Variants in PDGFD observed in about 807,000 individuals in gnomAD.
The protein encoded by PDGFD is platelet-derived growth factor D.
Under a neutral mutation model 44.7 loss-of-function variants are expected in PDGFD, and 30 were observed. The ratio of observed to expected loss-of-function variants is 0.67; its 90% CI spans 0.50 to 0.91. The LOEUF (loss-of-function observed/expected upper bound fraction) is 0.91, where lower values mean the gene tolerates loss of function less well. Among genes scored for constraint, PDGFD ranks in the 40% least tolerant of loss-of-function variants. The pLI, the probability that PDGFD is intolerant of heterozygous loss-of-function variation, is 0.00. For synonymous variants in PDGFD, 173 were observed against 168.4 expected, an observed-to-expected ratio of 1.03 and a Z score of -0.21; for missense variants, 445 against 457.8, an observed-to-expected ratio of 0.97 and a Z score of 0.25.
chr11:103,934,571 G>A (rs1000711903), intron 5 of PDGFD, among the ~76,000 whole-genome samples: 2 of 152,210 alleles, frequency 1.3e-5, no homozygotes, highest in African/African-American at 2.4e-5. Flanking sequence ...TCACAGTTAT[G>A]CATTGCCTGG....
In PDGFD at chr11:103,909,779, C is replaced by T. The variant is rs1486567445; in HGVS notation, c.1028G>A (p.Arg343Lys). 3 of 1,614,144 alleles carry T rather than the reference C, an allele frequency of 1.9e-6. No individual in the cohort carries two copies. The highest frequency in any genetic ancestry group is 1.7e-5 in the Admixed American group (1 of 60,030). ...GTCAACTAGAGCCATGGTCTTAGCTCTACCCCTCCTCTTGATGTGGCCAGG... is the reference window on the plus strand; with the variant it reads ...GTCAACTAGAGCCATGGTCTTAGCTTTACCCCTCCTCTTGATGTGGCCAGG... ...FEPGHIKRRG[R>K]AKTMALVDIQ... The change falls in exon 7 of 7, where the codon AGA becomes AAA. Residue 343 changes from arginine to lysine, a missense_variant. By Grantham distance (26) the Arg-to-Lys change is conservative. Transcript: ENST00000393158.
At chr11:103,985,750 T>A (rs1452313641) in intron 3 of PDGFD, among the ~76,000 whole-genome samples, 1 of 152,134 alleles carries the variant, frequency 6.6e-6, no homozygotes, top group Non-Finnish European at 1.5e-5. Flanking sequence ...GAGTGAAGTA[T>A]CTGGACATAT....
intron 1 of PDGFD, among the ~76,000 whole-genome samples, chr11:104,070,770 T>C (rs1860861786): frequency 6.6e-6 from 1 of 152,190 alleles, no homozygotes; most frequent in Admixed American, 6.5e-5. Context: ...GGACATGTCA[T>C]AGTTTATTCA....
At chr11:104,161,684 C>G (rs748914452) in intron 1 of PDGFD, among the ~76,000 whole-genome samples, 1 of 152,178 alleles carries the variant, frequency 6.6e-6, no homozygotes, top group Non-Finnish European at 1.5e-5. Flanking sequence ...CAGACCGTTG[C>G]AATATCTAAG....
At chr11:104,007,820 T>C (rs1254948627) in intron 1 of PDGFD, among the ~76,000 whole-genome samples, 1 of 152,258 alleles carries the variant, frequency 6.6e-6, no homozygotes, top group Admixed American at 6.5e-5. Context: ...GTCCCACTTC[T>C]GTTGCTAAAC....
chr11:103,996,038 T>G, intron 3 of PDGFD, 27 bp downstream of exon 3: 1 of 1,585,114 alleles, frequency 6.3e-7, no homozygotes, highest in East Asian at 2.3e-5. Flanking sequence ...GTGTCTGCTT[T>G]TAATCATAAA....
At chr11:103,952,576 T>G (rs1216690174) in intron 3 of PDGFD, among the ~76,000 whole-genome samples, 1 of 152,210 alleles carries the variant, frequency 6.6e-6, no homozygotes, top group Admixed American at 6.5e-5. Flanking sequence ...ATGAGCAAAC[T>G]GAAGTTCAGA....
chr11:103,998,511 C>T (rs1363980802), intron 2 of PDGFD, among the ~76,000 whole-genome samples: 1 of 152,214 alleles, frequency 6.6e-6, no homozygotes, highest in African/African-American at 2.4e-5. Flanking sequence ...CCAGAGAAAG[C>T]ACTCTTTCCA....
At chr11:103,969,765 C>T (rs1029956437) in intron 3 of PDGFD, among the ~76,000 whole-genome samples, 1 of 151,780 alleles carries the variant, frequency 6.6e-6, no homozygotes. Context: ...ATGAAAAATA[C>T]AGATTCTAGT....
At chr11:103,998,368 C>T (rs984220867) in intron 2 of PDGFD, among the ~76,000 whole-genome samples, 1 of 152,120 alleles carries the variant, frequency 6.6e-6, no homozygotes. Flanking sequence ...ACCCCTAGAC[C>T]TCTGGGGAGG....
rs772172796 is a variant in PDGFD at position 104,037,212 on chromosome 11, A to C, written c.125-36957T>G. 2.5e-6 allele frequency: 4 copies of C among 1,613,766 alleles called. No homozygotes were observed. The East Asian group carries it at 8.9e-5, about 36-fold the overall frequency. On this transcript the variant is annotated intron_variant, in intron 1 of 6. Coordinates refer to ENST00000393158, the MANE Select transcript of PDGFD (RefSeq NM_025208.5). ...CCCAGCGGTCACAGGGCTTGGCGTC[A>C]GGAGAGAAGGTGGCCGGCCTGCAAG...
In PDGFD at chr11:103,908,038, A is replaced by G. The variant is rs2134294925; in HGVS notation, c.*1656T>C. On this transcript the variant is annotated 3_prime_UTR_variant, in exon 7 of 7. Coordinates refer to ENST00000393158, the MANE Select transcript of PDGFD (RefSeq NM_025208.5). The stretch of plus-strand genomic sequence containing the variant: ...GGACCTGAGAGCACCATACTTAGAA[A>G]TCTAAGTATATTTAGGTCACTCATC... 1 of 152,290 alleles carries G rather than the reference A, an allele frequency of 6.6e-6. No individual in the cohort carries two copies. The highest frequency in any genetic ancestry group is 1.5e-5 in the Non-Finnish European group (1 of 68,014). The allele number at this position is 152,290 out of a possible 1,614,324, so 9.4% of individuals were successfully genotyped here.
intron 1 of PDGFD, among the ~76,000 whole-genome samples, chr11:104,081,282 T>C (rs1451004188): frequency 6.6e-6 from 1 of 152,142 alleles, no homozygotes; most frequent in Non-Finnish European, 1.5e-5. Flanking sequence ...CTCAAGGCAA[T>C]ACCTGAAAAG....
At chr11:103,979,715 G>C (rs138669803) in intron 3 of PDGFD, among the ~76,000 whole-genome samples, 105 of 152,218 alleles carry the variant, frequency 6.9e-4, no homozygotes, top group African/African-American at 2.3e-3. Context: ...CAGGTTTGTA[G>C]ATAATTCTAA....
chr11:103,962,620 T>C (rs373522858), intron 3 of PDGFD, among the ~76,000 whole-genome samples: 4 of 152,148 alleles, frequency 2.6e-5, no homozygotes, highest in East Asian at 3.9e-4. Flanking sequence ...GTAGAAAAGA[T>C]TTGATAATCA....
chr11:104,075,642 C>T (rs893068235), intron 1 of PDGFD, among the ~76,000 whole-genome samples: 1 of 151,930 alleles, frequency 6.6e-6, no homozygotes, highest in South Asian at 2.1e-4. Flanking sequence ...CAGGTGTGAC[C>T]CACCATGCCG....
At chr11:104,063,405 T>G (rs2134415627) in intron 1 of PDGFD, among the ~76,000 whole-genome samples, 1 of 151,908 alleles carries the variant, frequency 6.6e-6, no homozygotes, top group South Asian at 2.1e-4. Flanking sequence ...CTGCAATAAT[T>G]AGGTTATCCT....
intron 1 of PDGFD, among the ~76,000 whole-genome samples, chr11:104,138,734 C>G (rs535950771): frequency 2.0e-5 from 3 of 152,162 alleles, no homozygotes; most frequent in African/African-American, 7.2e-5. Flanking sequence ...TGACTTTATA[C>G]TTACAGTATT....
chr11:103,958,077 A>AT lies in PDGFD; in HGVS notation c.511-10354dup, dbSNP rs1858884411. ...AAAAAAAAAAACTCTGTGATTAATT[A>AT]TTTTGCAGTAACGCCTGCCACTTAT... On this transcript the variant is annotated intron_variant, in intron 3 of 6. Coordinates refer to ENST00000393158, the MANE Select transcript of PDGFD (RefSeq NM_025208.5). Among the ~76,000 whole-genome samples, 4 of 152,026 alleles carry AT rather than the reference A, an allele frequency of 2.6e-5. No homozygotes were observed. In the South Asian group the frequency reaches 8.3e-4, roughly 32 times the overall value.
Sources: gnomAD v4.1 joint callset for allele counts (sites outside exome capture counted in the v4.1 genomes callset) on GRCh38, gnomAD v4.1.1 for gene constraint, MANE v1.5 for transcripts, NCBI Gene and HGNC (gene_info 2026-07-23, HGNC 2026-07-21) for gene names.